The following YAF2 variants were observed in gnomAD, a reference collection of about 807,000 sequenced individuals.
YAF2 encodes YY1 associated factor 2, also known as YY1-associated factor 2.
A neutral mutation model predicts 20.1 loss-of-function variants in YAF2; 7 were observed. The ratio of observed to expected loss-of-function variants is 0.35; its 90% CI spans 0.20 to 0.65. The LOEUF (loss-of-function observed/expected upper bound fraction) is 0.65. Among genes scored for constraint, YAF2 ranks in the 30% least tolerant of loss-of-function variants. The probability of loss-of-function intolerance (pLI) is 0.69; values close to 1 mark genes in which losing one functional copy is unlikely to be tolerated. For missense variants in YAF2, 151 were observed against 219.2 expected, an observed-to-expected ratio of 0.69 and a Z score of 1.96; for synonymous variants, 74 against 76.0, an observed-to-expected ratio of 0.97 and a Z score of 0.14.
In YAF2 at chr12:42,159,218, T is replaced by G. The variant is rs944600206; in HGVS notation, c.*1371A>C. 1.3e-5 allele frequency: 2 copies of G among 152,172 alleles called. No homozygotes were observed. The highest frequency in any genetic ancestry group is 4.8e-5 in the African/African-American group (2 of 41,458). 9.4% of individuals were successfully genotyped at this position (152,172 alleles called of 1,614,324 possible). On this transcript the variant is annotated 3_prime_UTR_variant, in exon 4 of 4. Transcript: ENST00000534854. ...CTGTTAGGGTCTACAGTTTTATTTT[T>G]TCTTCAAATGTTATCATGATGTCTT...
intron 2 of YAF2, among the ~76,000 whole-genome samples, chr12:42,194,406 G>C (rs1274130100): frequency 6.6e-6 from 1 of 152,174 alleles, no homozygotes; most frequent in Non-Finnish European, 1.5e-5. Flanking sequence ...CAGTTCGGGA[G>C]GCTGAGACAG....
At chr12:42,219,495 C>T (rs1458409444) in intron 2 of YAF2, among the ~76,000 whole-genome samples, 1 of 152,128 alleles carries the variant, frequency 6.6e-6, no homozygotes, top group African/African-American at 2.4e-5. Context: ...TCATTAAGCT[C>T]ATTCAGAGAA....
intron 2 of YAF2, among the ~76,000 whole-genome samples, chr12:42,162,050 T>A (rs1427828300): frequency 6.6e-6 from 1 of 152,138 alleles, no homozygotes; most frequent in African/African-American, 2.4e-5. Flanking sequence ...TTATTTTAAA[T>A]GTATATCAAA....
intron 2 of YAF2, among the ~76,000 whole-genome samples, chr12:42,179,330 C>T (rs2066279507): frequency 6.6e-6 from 1 of 151,924 alleles, no homozygotes; most frequent in Admixed American, 6.6e-5. Context: ...ATTAGCAGAG[C>T]TTGGTGGCGT....
intron 2 of YAF2, chr12:42,232,678 G>T (rs1196112068): frequency 1.0e-6 from 1 of 985,258 alleles, no homozygotes. Flanking sequence ...AAGTCTAGAA[G>T]AATCAGTGCC....
intron 2 of YAF2, among the ~76,000 whole-genome samples, chr12:42,187,783 C>A (rs1450061874): frequency 6.6e-6 from 1 of 152,122 alleles, no homozygotes; most frequent in African/African-American, 2.4e-5. Flanking sequence ...TGCCTTTGGC[C>A]TTCCCACACT....
intron 2 of YAF2, chr12:42,233,054 C>G: frequency 5.1e-6 from 5 of 985,250 alleles, no homozygotes; most frequent in Non-Finnish European, 6.0e-6. Flanking sequence ...TGTCTAGTAT[C>G]CAACTCAGCC....
At chr12:42,216,910 A>T (rs1404228384) in intron 2 of YAF2, among the ~76,000 whole-genome samples, 1 of 152,128 alleles carries the variant, frequency 6.6e-6, no homozygotes. Flanking sequence ...CCTCCCCTTC[A>T]CTATGACCCA....
At chr12:42,221,651 G>A (rs1199364769) in intron 2 of YAF2, among the ~76,000 whole-genome samples, 2 of 152,114 alleles carry the variant, frequency 1.3e-5, no homozygotes, top group African/African-American at 4.8e-5. Context: ...CTTCCAGCCT[G>A]TTTTCTTACC....
chr12:42,164,421 T>C lies in YAF2; in HGVS notation c.153-2656A>G, dbSNP rs995894141. Among the ~76,000 whole-genome samples, 13 of 152,150 alleles carry C rather than the reference T, an allele frequency of 8.5e-5. No homozygotes were observed. In the East Asian group the frequency reaches 2.5e-3, roughly 29 times the overall value. On this transcript the variant is annotated intron_variant, in intron 2 of 3. Coordinates refer to ENST00000534854, the MANE Select transcript of YAF2 (RefSeq NM_005748.6). ...ATGCAATTTTCAACTACGGTCTGCCTTCCACCCCCACTGACAAAAATCCCA... is the reference window on the plus strand; with the variant it reads ...ATGCAATTTTCAACTACGGTCTGCCCTCCACCCCCACTGACAAAAATCCCA...
chr12:42,200,726 G>T (rs1047616099), intron 2 of YAF2, among the ~76,000 whole-genome samples: 4 of 152,156 alleles, frequency 2.6e-5, no homozygotes, highest in Non-Finnish European at 4.4e-5. Flanking sequence ...AGATCACATT[G>T]TACACATCAT....
chr12:42,236,877 C>T (rs1031175404), intron 2 of YAF2, among the ~76,000 whole-genome samples: 2 of 152,186 alleles, frequency 1.3e-5, no homozygotes, highest in African/African-American at 4.8e-5. Flanking sequence ...TTTCTTTATT[C>T]ACTTAATTCA....
At chr12:42,180,850 A>C (rs1275334017) in intron 2 of YAF2, among the ~76,000 whole-genome samples, 1 of 152,162 alleles carries the variant, frequency 6.6e-6, no homozygotes, top group Admixed American at 6.5e-5. Context: ...CAAGAGGCTG[A>C]GGCATGAGAA....
Position 42,236,089 on chromosome 12 carries a change from A to G in YAF2, c.152+1510T>C. 2.8e-6 allele frequency: 4 copies of G among 1,434,032 alleles called. No individual in the cohort carries two copies. The South Asian group carries it at 5.4e-5, about 19-fold the overall frequency. The allele number at this position is 1,434,032 out of a possible 1,614,324, so 88.8% of individuals were successfully genotyped here. Reference sequence around the variant, plus strand: ...GGAACAACAAAAAGCAATAATATATAGTACCAGAGATCAAGATTATAATTG... The same window carrying G: ...GGAACAACAAAAAGCAATAATATATGGTACCAGAGATCAAGATTATAATTG... On this transcript the variant is annotated intron_variant, in intron 2 of 3. Coordinates refer to ENST00000534854, the MANE Select transcript of YAF2 (RefSeq NM_005748.6).
At chr12:42,234,600 G>C (rs886439581) in intron 2 of YAF2, 9 of 985,278 alleles carry the variant, frequency 9.1e-6, no homozygotes, top group Non-Finnish European at 1.1e-5. Flanking sequence ...AGAAAGACAT[G>C]ACCTACCATG....
Position 42,237,652 on chromosome 12 carries a change from G to A in YAF2, c.99C>T (p.Ser33=). Residue 33 remains serine, a synonymous_variant, in exon 2 of 4, where the codon AGC becomes AGT. Transcript: ENST00000534854. ...WDCSVCTFRN[S]AEAFKCMMCD... is the part of the protein sequence containing the mutation. ...ACATCATGCACTTGAAGGCCTCGGC[G>A]CTGTTCCGGAAGGTGCAGACGCTAC... 2.5e-6 allele frequency: 4 copies of A among 1,582,784 alleles called. 1 individual carries two copies. The highest frequency in any genetic ancestry group is 2.3e-5 in the South Asian group (2 of 86,016).
chr12:42,213,812 G>GT (rs776060567), intron 2 of YAF2, among the ~76,000 whole-genome samples: 57 of 152,056 alleles, frequency 3.7e-4, no homozygotes, highest in South Asian at 4.1e-4. Flanking sequence ...ATACATCAAG[G>GT]TATTAGTAAC....
At chr12:42,198,346 G>A (rs971719070) in intron 2 of YAF2, among the ~76,000 whole-genome samples, 1 of 152,152 alleles carries the variant, frequency 6.6e-6, no homozygotes, top group African/African-American at 2.4e-5. Flanking sequence ...ACTTTGGAAG[G>A]CTGAGGCAGG....
chr12:42,171,846 C>A (rs1390847830), intron 2 of YAF2, among the ~76,000 whole-genome samples: 1 of 151,920 alleles, frequency 6.6e-6, no homozygotes, highest in African/African-American at 2.4e-5. Flanking sequence ...TGCCTGTAGT[C>A]CCAGCTACCC....
Sources: allele counts gnomAD v4.1 joint callset (sites outside exome capture counted in the v4.1 genomes callset), GRCh38; gene constraint gnomAD v4.1.1; transcripts MANE v1.5; gene names NCBI Gene and HGNC (gene_info 2026-07-23, HGNC 2026-07-21).